TTC7A: variants seen among roughly 807,000 people sequenced by gnomAD.
TTC7A encodes the protein tetratricopeptide repeat domain 7A.
A neutral mutation model predicts 103.7 loss-of-function variants in TTC7A; 110 were observed. The observed-to-expected ratio is 1.06, with a 90% CI of 0.91 to 1.24. The LOEUF (loss-of-function observed/expected upper bound fraction) is 1.24. Ranked by LOEUF, TTC7A falls within the 50% of genes most tolerant of loss-of-function variation. The probability of loss-of-function intolerance (pLI) is 0.00; values close to 1 mark genes in which losing one functional copy is unlikely to be tolerated. For missense variants in TTC7A, 1,340 were observed against 1,116.3 expected (o/e 1.20, Z -2.86); for synonymous variants, 521 against 467.9 (o/e 1.11, Z -1.47).
intron 2 of TTC7A, among the ~76,000 whole-genome samples, chr2:46,926,623 C>T (rs11690921): frequency 0.31 from 47,811 of 152,140 alleles, 8,733 homozygotes; most frequent in East Asian, 0.62. Context: ...AGAGCCCCCC[C>T]AGGTGCCTAG....
intron 15 of TTC7A, among the ~76,000 whole-genome samples, chr2:47,043,248 T>G (rs984306729): frequency 8.5e-5 from 13 of 152,140 alleles, no homozygotes; most frequent in African/African-American, 3.1e-4. Flanking sequence ...GGGAGAAAGT[T>G]CTGCAGTGAA....
chr2:46,916,280 ACC>A (rs1668784704), exon 1 of TTC7A: 1 of 656,398 alleles, frequency 1.5e-6, no homozygotes, highest in South Asian at 6.8e-5. Context: ...CCGGCCTTGG[ACC>A]CTACGTTTCA....
intron 16 of TTC7A, chr2:47,047,331 G>T: frequency 6.5e-7 from 1 of 1,547,058 alleles, no homozygotes; most frequent in East Asian, 2.4e-5. Flanking sequence ...GAAATTTACA[G>T]AGGAGGGTAA....
At chr2:46,998,986 C>T (rs918708481) in intron 8 of TTC7A, among the ~76,000 whole-genome samples, 1 of 152,096 alleles carries the variant, frequency 6.6e-6, no homozygotes. Flanking sequence ...TCTTCGGAGC[C>T]AAAATGACAT....
At chr2:46,939,353 C>T (rs1028758137), upstream of TTC7A, among the ~76,000 whole-genome samples, 1 of 151,982 alleles carries the variant, frequency 6.6e-6, no homozygotes, top group African/African-American at 2.4e-5. Flanking sequence ...TTTTTTACAC[C>T]CCTGAGAAAT....
chr2:47,014,381 C>T (rs1678410639), intron 11 of TTC7A, among the ~76,000 whole-genome samples: 1 of 152,178 alleles, frequency 6.6e-6, no homozygotes, highest in African/African-American at 2.4e-5. Flanking sequence ...CCCTAGGTGG[C>T]ACTGTAAAGA....
chr2:47,037,844 T>C (rs191597849), intron 15 of TTC7A, among the ~76,000 whole-genome samples: 2 of 152,298 alleles, frequency 1.3e-5, no homozygotes, highest in Admixed American at 6.5e-5. Context: ...TGGGCAAACA[T>C]GTATTGAACC....
At chr2:46,950,849 CAT>C (rs971538964) in intron 2 of TTC7A, among the ~76,000 whole-genome samples, 13 of 152,164 alleles carry the variant, frequency 8.5e-5, no homozygotes, top group South Asian at 2.1e-4. Context: ...TTAAATAAAA[CAT>C]GTTATTAAAA....
chr2:46,956,980 C>T lies in TTC7A; in HGVS notation c.490C>T (p.Leu164=), dbSNP rs149634302. 21 of 1,614,152 alleles carry T rather than the reference C, an allele frequency of 1.3e-5. No homozygotes were observed. Among genetic ancestry groups the T allele is most frequent in the Non-Finnish European group, 1.6e-5 (19 of 1,180,024 alleles). ...MENKPLYQMR[L]LSEAFVIKGL... ...GAACAAGCCCCTGTATCAGATGCGG[C>T]TGCTGTCGGAGGCTTTTGTCATCAA... Residue 164 remains leucine (L), a synonymous_variant, in exon 3 of 20, where the codon CTG becomes TTG. Transcript: ENST00000319190.
In TTC7A at chr2:46,924,393, G is replaced by A. The variant is rs1020451231; in HGVS notation, c.82+7116G>A. 2.6e-4 allele frequency among the ~76,000 whole-genome samples: 39 copies of A among 152,088 alleles called. No homozygotes were observed. The South Asian group carries it at 7.5e-3, about 29-fold the overall frequency. Reference sequence around the variant, plus strand: ...GAGAATTTTCCCTACTTTATTGTGAGCTTAGCTCTCCAATTAACTGAAAGC... The same window carrying A: ...GAGAATTTTCCCTACTTTATTGTGAACTTAGCTCTCCAATTAACTGAAAGC... On this transcript the variant is annotated intron_variant, in intron 2 of 20. Transcript: ENST00000409245.
chr2:47,018,445 G>A (rs911736113), intron 11 of TTC7A, among the ~76,000 whole-genome samples: 1 of 151,872 alleles, frequency 6.6e-6, no homozygotes, highest in African/African-American at 2.4e-5. Flanking sequence ...ATTAACCAGT[G>A]TGGTGGTGTG....
At chr2:46,932,575 G>A (rs2103846431) in intron 2 of TTC7A, among the ~76,000 whole-genome samples, 1 of 151,990 alleles carries the variant, frequency 6.6e-6, no homozygotes, top group African/African-American at 2.4e-5. Flanking sequence ...AGAAAAAGAG[G>A]AAGAAAAGAA....
chr2:47,015,995 A>G (rs1263627417), intron 11 of TTC7A, among the ~76,000 whole-genome samples: 4 of 152,190 alleles, frequency 2.6e-5, no homozygotes, highest in African/African-American at 7.2e-5. Context: ...GGGCTCAGAA[A>G]CGAACTTTCT....
Position 46,941,801 on chromosome 2 carries a change from A to T in TTC7A, c.184+76A>T, listed in dbSNP as rs1670423747. On this transcript the variant is annotated intron_variant, in intron 1 of 19. Transcript: ENST00000319190. This position sits in a 1 kb window ranked among gnomAD's most constrained non-coding sequence, Gnocchi z 4.2. ...CGCCTCCTCCAGGAAGCGCGCCCAG[A>T]CAGTCCTCGGCCGACAGCGGGCGCC... The T allele has an allele frequency of 6.5e-7, 1 of 1,531,952 alleles. No homozygotes were observed. 94.9% of individuals were successfully genotyped at this position (1,531,952 alleles called of 1,614,324 possible).
At chr2:47,038,017 G>A (rs1303851290) in intron 15 of TTC7A, among the ~76,000 whole-genome samples, 5 of 152,228 alleles carry the variant, frequency 3.3e-5, no homozygotes, top group Admixed American at 1.3e-4. Flanking sequence ...TTGGGATGCC[G>A]AGGCGGGCGG....
chr2:46,933,593 T>C (rs909106881), intron 2 of TTC7A, among the ~76,000 whole-genome samples: 1 of 152,132 alleles, frequency 6.6e-6, no homozygotes, highest in East Asian at 1.9e-4. Flanking sequence ...AAGTAAGACA[T>C]AAGATACCAT....
At chr2:46,933,133 G>A (rs1259291040) in intron 2 of TTC7A, among the ~76,000 whole-genome samples, 1 of 152,154 alleles carries the variant, frequency 6.6e-6, no homozygotes, top group Non-Finnish European at 1.5e-5. Flanking sequence ...GAGAAATCAT[G>A]GGCTCCTGCT....
intron 16 of TTC7A, 117 bp downstream of exon 16, chr2:47,046,548 G>C: frequency 2.6e-6 from 2 of 772,456 alleles, no homozygotes; most frequent in Non-Finnish European, 2.2e-6. Flanking sequence ...TTTTGAATGA[G>C]AGCGTGGAAC....
intron 3 of TTC7A, among the ~76,000 whole-genome samples, chr2:46,966,348 A>G (rs59335662): frequency 0.049 from 7,395 of 152,294 alleles, 231 homozygotes; most frequent in South Asian, 0.083. Flanking sequence ...ATTTGCGGAA[A>G]CAGACTTAGC....
Sources: gnomAD v4.1 joint callset for allele counts (sites outside exome capture counted in the v4.1 genomes callset) on GRCh38, gnomAD v4.1.1 for gene constraint, Gnocchi (gnomAD v3.1) non-coding constraint, MANE v1.5 for transcripts, NCBI Gene and HGNC (gene_info 2026-07-23, HGNC 2026-07-21) for gene names.